SMC1A: variants seen among roughly 807,000 people sequenced by gnomAD.
The protein encoded by SMC1A is structural maintenance of chromosomes 1A.
A neutral mutation model predicts 94.5 loss-of-function variants in SMC1A; 4 were observed. The observed-to-expected ratio is 0.04, with a 90% CI of 0.02 to 0.10. SMC1A has a LOEUF of 0.10. Ranked by LOEUF, SMC1A falls within the 10% of genes least tolerant of loss-of-function variation. The pLI is 1.00. For synonymous variants in SMC1A, 345 were observed against 347.7 expected (o/e 0.99, Z 0.09); for missense variants, 304 against 989.0 (o/e 0.31, Z 9.29).
Position 53,414,787 on chromosome X carries a change from T to C in SMC1A, c.382A>G (p.Ile128Val). 8.3e-7 allele frequency: 1 copy of C among 1,204,568 alleles called. No individual in the cohort carries two copies. Among genetic ancestry groups the C allele is most frequent in the Non-Finnish European group, 1.1e-6 (1 of 888,839 alleles). The change falls in exon 3 of 25, where the codon ATC becomes GTC. Residue 128 changes from isoleucine to valine, a missense_variant. Physicochemically the swap from Ile to Val is conservative, Grantham distance 29 (BLOSUM62 3). Coordinates refer to ENST00000322213, the MANE Select transcript of SMC1A (RefSeq NM_006306.4). ...SEELEKLGILIKARNFLVFQG... is the reference protein window; with the variant it reads ...SEELEKLGILVKARNFLVFQG... ...AAAACGAGGAAGTTACGAGCTTTGATGAGAATGCCCAACTTCTCTAATTCC... is the reference window on the plus strand; with the variant it reads ...AAAACGAGGAAGTTACGAGCTTTGACGAGAATGCCCAACTTCTCTAATTCC...
rs1489497654 is a variant in SMC1A at position 53,411,916 on chromosome X, G to C, written c.1114-15C>G. ...TATTTCTTCACCTGTGTTAGGGACA[G>C]GGAAGGAGAACAGGGATGACCAAGT... On this transcript the variant is annotated splice_polypyrimidine_tract_variant and intron_variant, in intron 6 of 24. Transcript: ENST00000322213. The C allele has an allele frequency of 8.3e-7, 1 of 1,209,544 alleles. No individual in the cohort carries two copies. Among genetic ancestry groups the C allele is most frequent in the East Asian group, 3.0e-5 (1 of 33,738 alleles).
rs868934365 is a variant in SMC1A at position 53,407,829 on chromosome X, G to T, written c.1545+1233C>A. Reference sequence around the variant, plus strand: ...TTGTGAGAGTAGAAAAAACACTTTGGTTTTTTCCTATCTCACAGAAGAACA... The same window carrying T: ...TTGTGAGAGTAGAAAAAACACTTTGTTTTTTTCCTATCTCACAGAAGAACA... On this transcript the variant is annotated intron_variant, in intron 9 of 24. Coordinates refer to ENST00000322213, the MANE Select transcript of SMC1A (RefSeq NM_006306.4). Among the ~76,000 whole-genome samples the T allele has an allele frequency of 2.0e-4, 22 of 111,043 alleles. No individual in the cohort carries two copies. The Admixed American group carries it at 2.1e-3, about 11-fold the overall frequency.
intron 19 of SMC1A, among the ~76,000 whole-genome samples, chrX:53,383,690 C>A (rs2075593948): frequency 8.9e-6 from 1 of 112,529 alleles, no homozygotes; most frequent in Non-Finnish European, 1.9e-5. Context: ...TACATTTGAG[C>A]AAATTCCATT....
Position 53,414,744 on chromosome X carries a change from T to C in SMC1A, c.411+14A>G, listed in dbSNP as rs1485226792. On this transcript the variant is annotated intron_variant, in intron 3 of 24. Transcript: ENST00000322213. ...GCAAAAACCAGATAGCCAATAACTG[T>C]TAAAAACGCCCACCTGGAAAACGAG... 1.8e-5 allele frequency: 20 copies of C among 1,131,123 alleles called. No individual in the cohort carries two copies. Among genetic ancestry groups the C allele is most frequent in the African/African-American group, 3.6e-5 (2 of 55,565 alleles). 93.2% of individuals were successfully genotyped at this position (1,131,123 alleles called of 1,213,427 possible). A position where few individuals can be genotyped will look rare whatever the true frequency, so the allele number is the denominator to read the frequency against.
At chrX:53,402,681 G>C (rs1314608244) in intron 15 of SMC1A, among the ~76,000 whole-genome samples, 1 of 103,532 alleles carries the variant, frequency 9.7e-6, no homozygotes, top group Non-Finnish European at 2.0e-5. Flanking sequence ...TGGCCAGCAT[G>C]GTGAAACCCC....
chrX:53,386,972 C>A (rs1027364779), intron 19 of SMC1A, among the ~76,000 whole-genome samples: 45 of 112,006 alleles, frequency 4.0e-4, no homozygotes, highest in African/African-American at 1.4e-3. Flanking sequence ...TTTAAAATTA[C>A]ATTCAATAAT....
chrX:53,402,867 T>TAAAAAAAAAA (rs1556889114), intron 15 of SMC1A, among the ~76,000 whole-genome samples: 7 of 502 alleles, frequency 0.014, no homozygotes, highest in Non-Finnish European at 0.023. Flanking sequence ...AGACTCTGTC[T>TAAAAAAAAAA]CAAAAAAAAA....
chrX:53,410,870 T>C (rs2075708732), intron 7 of SMC1A, among the ~76,000 whole-genome samples: 1 of 87,144 alleles, frequency 1.1e-5, no homozygotes, highest in Admixed American at 1.4e-4. Context: ...GAGGTTGCAG[T>C]GAGCTGAGAT....
intron 10 of SMC1A, 36 bp downstream of exon 10, chrX:53,405,735 G>A (rs781871296): frequency 8.3e-7 from 1 of 1,208,158 alleles, no homozygotes; most frequent in Non-Finnish European, 1.1e-6. Context: ...AGGGGCCCTT[G>A]AACACTGGCC....
Position 53,398,397 on chromosome X carries a change from A to G in SMC1A, c.2562+1192T>C, listed in dbSNP as rs782238106. ...AAAGAGAAAGGGTGTGAGAAAATTG[A>G]GTCATCACACAATACATGGTGGCAC... On this transcript the variant is annotated intron_variant, in intron 16 of 24. Transcript: ENST00000322213. Among the ~76,000 whole-genome samples the G allele has an allele frequency of 5.4e-5, 6 of 110,956 alleles. No individual in the cohort carries two copies. The South Asian group carries it at 2.3e-3, about 42-fold the overall frequency.
At chrX:53,387,748 G>T (rs2146586515) in intron 19 of SMC1A, among the ~76,000 whole-genome samples, 1 of 111,592 alleles carries the variant, frequency 9.0e-6, no homozygotes, top group South Asian at 3.8e-4. Flanking sequence ...GTGTTGAAAT[G>T]ATTCAGAAGC....
chrX:53,402,235 T>TA (rs782553631), intron 15 of SMC1A, among the ~76,000 whole-genome samples: 2 of 110,802 alleles, frequency 1.8e-5, no homozygotes, highest in Admixed American at 1.9e-4. Context: ...AAGCCCAGGG[T>TA]ACAAGGGATG....
intron 13 of SMC1A, among the ~76,000 whole-genome samples, chrX:53,404,540 C>T (rs1362017750): frequency 9.0e-6 from 1 of 111,047 alleles, no homozygotes; most frequent in Non-Finnish European, 1.9e-5. Context: ...GTCACCCAGG[C>T]TGGAGTACAA....
chrX:53,393,576 T>C (rs2075637783), intron 19 of SMC1A, among the ~76,000 whole-genome samples: 3 of 111,531 alleles, frequency 2.7e-5, no homozygotes, highest in African/African-American at 9.8e-5. Context: ...TAGAGATACA[T>C]GCTGAGGTAA....
chrX:53,387,053 C>A (rs185769663), intron 19 of SMC1A, among the ~76,000 whole-genome samples: 2 of 112,139 alleles, frequency 1.8e-5, no homozygotes, highest in African/African-American at 6.5e-5. Context: ...TGGAGTGCAG[C>A]GGTGCGACCT....
At chrX:53,390,763 C>T (rs2075624875) in intron 19 of SMC1A, among the ~76,000 whole-genome samples, 1 of 107,116 alleles carries the variant, frequency 9.3e-6, no homozygotes. Context: ...GAGGCTGAGG[C>T]GGGTGGGTTA....
intron 22 of SMC1A, 87 bp from the exon 23 acceptor site, chrX:53,381,174 G>A: frequency 7.1e-6 from 4 of 562,834 alleles, no homozygotes; most frequent in Non-Finnish European, 9.1e-6. Flanking sequence ...CCATCAAACA[G>A]GCCAGCTTCC....
intron 16 of SMC1A, among the ~76,000 whole-genome samples, chrX:53,397,182 G>A (rs781784702): frequency 1.8e-5 from 2 of 111,533 alleles, no homozygotes; most frequent in East Asian, 2.8e-4. Context: ...CTGGCAAGAC[G>A]AAGGGGACTA....
chrX:53,394,454 G>C (rs782431225), intron 19 of SMC1A, among the ~76,000 whole-genome samples: 1 of 111,498 alleles, frequency 9.0e-6, no homozygotes, highest in East Asian at 2.8e-4. Context: ...AGGTCAATCT[G>C]TTCACTGTAC....
Sources: allele counts gnomAD v4.1 joint callset (sites outside exome capture counted in the v4.1 genomes callset), GRCh38; gene constraint gnomAD v4.1.1; transcripts MANE v1.5; gene names NCBI Gene and HGNC (gene_info 2026-07-23, HGNC 2026-07-21).